The following FAM228B variants were observed in gnomAD, a reference collection of about 807,000 sequenced individuals.
FAM228B encodes the protein protein FAM228B.
In FAM228B, 38 loss-of-function variants were observed where a neutral mutation model predicts 42.6. That is an observed-to-expected ratio of 0.89 (90% CI 0.69 to 1.17). The LOEUF is 1.17. Among genes scored for constraint, FAM228B ranks in the 50% most tolerant of loss-of-function variants. The pLI is 0.00. For synonymous variants in FAM228B, 109 were observed against 122.3 expected (o/e 0.89, Z 0.72); for missense variants, 344 against 367.3 (o/e 0.94, Z 0.52).
chr2:24,138,210 A>G (rs1376992913), intron 4 of FAM228B, 110 bp downstream of exon 4: 2 of 758,040 alleles, frequency 2.6e-6, no homozygotes, highest in Non-Finnish European at 4.2e-6. Context: ...CATATGTATC[A>G]TCTATACCCT....
In FAM228B at chr2:24,169,530, T is replaced by A. The variant is rs77626653; in HGVS notation, c.*189T>A. On this transcript the variant is annotated 3_prime_UTR_variant, in exon 11 of 11. Coordinates refer to ENST00000615575, the MANE Select transcript of FAM228B (RefSeq NM_001145710.2). This position sits in a 1 kb window ranked among gnomAD's most constrained non-coding sequence, Gnocchi z 4.2. ...GCATCTGCAACGAACTTCCTTTAAT[T>A]TTTGAGTTCAGTGTCTGTGATAATT... 4.1e-3 allele frequency: 1,201 copies of A among 292,270 alleles called. 8 individuals are homozygous for A. Among genetic ancestry groups the A allele is most frequent in the African/African-American group, 0.025 (1,152 of 46,568 alleles). The allele number at this position is 292,270 out of a possible 1,614,324, so 18.1% of individuals were successfully genotyped here.
chr2:24,154,936 G>C (rs1214791958), intron 7 of FAM228B, among the ~76,000 whole-genome samples: 1 of 152,174 alleles, frequency 6.6e-6, no homozygotes, highest in Non-Finnish European at 1.5e-5. Context: ...AAATGGCATT[G>C]TGAATGTTAC....
intron 4 of FAM228B, among the ~76,000 whole-genome samples, chr2:24,138,963 A>G (rs942565016): frequency 2.7e-5 from 4 of 149,996 alleles, no homozygotes; most frequent in African/African-American, 4.9e-5. Context: ...AAAAAAAATT[A>G]TACTTACAAA....
chr2:24,077,411 G>C lies in FAM228B; in HGVS notation c.-290+442G>C. ...ACTCCCACCTCAACCCCGCCGCGGC[G>C]GCCCCAGTCCGCGTGCCACCCTTCC... is the stretch of plus-strand genomic sequence containing the variant. On this transcript the variant is annotated intron_variant, in intron 1 of 10. Transcript: ENST00000613899. This position sits in a 1 kb window ranked among gnomAD's most constrained non-coding sequence, Gnocchi z 5.5. The C allele has an allele frequency of 1.3e-6, 1 of 746,628 alleles. No individual in the cohort carries two copies. Among genetic ancestry groups the C allele is most frequent in the South Asian group, 3.1e-5 (1 of 31,844 alleles). The allele number at this position is 746,628 out of a possible 1,614,324, so 46.3% of individuals were successfully genotyped here.
Position 24,077,829 on chromosome 2 carries a change from A to G in FAM228B, c.-290+860A>G. The stretch of plus-strand genomic sequence containing the variant: ...TCACCCTGCCCTCCTCATCCTCCTC[A>G]GCCTTCTTGCTCTCTCTGAAGCCAC... On this transcript the variant is annotated intron_variant, in intron 1 of 10. Coordinates refer to the FAM228B transcript ENST00000613899. This position sits in a 1 kb window ranked among gnomAD's most constrained non-coding sequence, Gnocchi z 5.5. The G allele has an allele frequency of 1.3e-6, 2 of 1,535,610 alleles. No homozygotes were observed. Among genetic ancestry groups the G allele is most frequent in the Admixed American group, 1.9e-5 (1 of 51,614 alleles).
chr2:24,146,702 T>C (rs750657923), intron 5 of FAM228B, 46 bp from the exon 6 acceptor site: 26 of 1,325,058 alleles, frequency 2.0e-5, no homozygotes, highest in Non-Finnish European at 2.6e-5. Context: ...AAATGTTTAC[T>C]ACTCAGACTT....
intron 5 of FAM228B, among the ~76,000 whole-genome samples, chr2:24,145,103 A>G (rs1457937787): frequency 6.6e-6 from 1 of 152,124 alleles, no homozygotes; most frequent in Non-Finnish European, 1.5e-5. Context: ...GGGGTTCAAG[A>G]ACCTGCCCAT....
Position 24,146,967 on chromosome 2 carries a change from G to A in FAM228B, c.567G>A (p.Glu189=), listed in dbSNP as rs755080062. The change falls in exon 7 of 11, where the codon GAG becomes GAA. Residue 189 remains glutamate, a synonymous_variant. Coordinates refer to ENST00000615575, the MANE Select transcript of FAM228B (RefSeq NM_001145710.2). ...IYSIKEFKEV[E]KVQLHSRFPQ... is the part of the protein sequence containing the mutation. ...CAATAAAGGAATTCAAAGAAGTTGA[G>A]AAGGTTCAGCTGCATTCCAGATTCC... is the stretch of plus-strand genomic sequence containing the variant. The A allele has an allele frequency of 6.6e-5, 102 of 1,551,244 alleles. No individual in the cohort carries two copies. The highest frequency in any genetic ancestry group is 8.7e-5 in the Non-Finnish European group (100 of 1,146,820).
chr2:24,139,671 A>G (rs1034266871), intron 5 of FAM228B, among the ~76,000 whole-genome samples: 3 of 152,226 alleles, frequency 2.0e-5, no homozygotes, highest in African/African-American at 4.8e-5. Context: ...GGTAATAGGT[A>G]ACGTTTAAAA....
chr2:24,135,097 A>G (rs1666549252), intron 2 of FAM228B, 22 bp from the exon 3 acceptor site: 1 of 1,416,028 alleles, frequency 7.1e-7, no homozygotes, highest in Non-Finnish European at 9.6e-7. Context: ...TTTCTTTTCA[A>G]AGTTTAATTC....
chr2:24,151,119 CT>C (rs764505142), intron 7 of FAM228B, among the ~76,000 whole-genome samples: 3 of 151,914 alleles, frequency 2.0e-5, no homozygotes, highest in Admixed American at 1.3e-4. Context: ...GTTTTTTATT[CT>C]TTTTTTCTTT....
Position 24,080,303 on chromosome 2 carries a change from C to T in FAM228B, c.-289-573C>T, listed in dbSNP as rs10204305. ...CTGGGAGGCGGAGGTTGCAGCGAGC[C>T]GAGATCAAGCCACTGCACGCCATCC... is the stretch of plus-strand genomic sequence containing the variant. On this transcript the variant is annotated intron_variant, in intron 1 of 10. Coordinates refer to the FAM228B transcript ENST00000613899. The surrounding 1 kb of genome is among the most constrained non-coding windows in gnomAD (Gnocchi z 4.7). Among the ~76,000 whole-genome samples, 18,034 of 151,064 alleles carry T rather than the reference C, an allele frequency of 0.12. 1,250 individuals are homozygous for T. The highest frequency in any genetic ancestry group is 0.18 in the South Asian group (858 of 4,782).
intron 2 of FAM228B, among the ~76,000 whole-genome samples, chr2:24,087,601 A>G (rs532782624): frequency 1.3e-5 from 2 of 151,926 alleles, no homozygotes; most frequent in South Asian, 2.1e-4. Context: ...ATTACACGCT[A>G]TAAGAATTCT....
intron 2 of FAM228B, chr2:24,083,243 T>A: frequency 1.4e-6 from 2 of 1,472,754 alleles, no homozygotes; most frequent in South Asian, 2.8e-5. Context: ...CCCTCTTTTT[T>A]TTTTCAAAAA....
chr2:24,149,518 C>A (rs528484163), intron 7 of FAM228B, among the ~76,000 whole-genome samples: 1 of 152,072 alleles, frequency 6.6e-6, no homozygotes, highest in Admixed American at 6.6e-5. Context: ...CAGTGGCCCC[C>A]ACCTCCCAGG....
chr2:24,167,641 G>A lies in FAM228B; in HGVS notation c.947G>A (p.Arg316His), dbSNP rs549465815. The change falls in exon 10 of 11, where the codon CGT becomes CAT. Residue 316 changes from arginine (R) to histidine (H), a missense_variant. Arg to His is a conservative substitution (Grantham distance 29). Transcript: ENST00000615575. ...EEDQDGSPSPRLGLLKLEL is the reference protein window; with the variant it reads ...EEDQDGSPSPHLGLLKLEL ...CTTCATTTAAGGTCTCCCTCCCCGC[G>A]TTTGGGGCTGCTGAAGCTGGAGCTA... The A allele has an allele frequency of 1.5e-5, 24 of 1,551,638 alleles. No homozygotes were observed. Among genetic ancestry groups the A allele is most frequent in the East Asian group, 2.4e-5 (1 of 40,902 alleles).
intron 2 of FAM228B, among the ~76,000 whole-genome samples, chr2:24,094,433 G>T (rs1440483496): frequency 1.3e-5 from 2 of 152,086 alleles, no homozygotes; most frequent in Admixed American, 1.3e-4. Context: ...TAGTTTAAAA[G>T]ATAAGGATTT....
At chr2:24,148,502 CCTGT>C (rs376155446) in intron 7 of FAM228B, among the ~76,000 whole-genome samples, 2 of 152,064 alleles carry the variant, frequency 1.3e-5, no homozygotes, top group African/African-American at 4.8e-5. Flanking sequence ...ATGGCAGTGT[CCTGT>C]CTGTCTTCCA....
chr2:24,139,400 A>G lies in FAM228B; in HGVS notation c.391A>G (p.Lys131Glu). Residue 131 changes from lysine (K) to glutamate (E), a missense_variant, in exon 5 of 11, where the codon AAA becomes GAA. Coordinates refer to ENST00000615575, the MANE Select transcript of FAM228B (RefSeq NM_001145710.2). ...TGCATTTATAGAACATTATGATCCA[A>G]AAGAGTATGATCCCTTTTATATGAG... The part of the protein sequence containing the change: ...GNAFIEHYDP[K>E]EYDPFYMSKK... The G allele has an allele frequency of 1.3e-6, 2 of 1,548,108 alleles. No homozygotes were observed. Among genetic ancestry groups the G allele is most frequent in the Non-Finnish European group, 1.7e-6 (2 of 1,144,142 alleles).
Sources: allele counts gnomAD v4.1 joint callset (sites outside exome capture counted in the v4.1 genomes callset), GRCh38; gene constraint gnomAD v4.1.1; non-coding constraint Gnocchi (gnomAD v3.1); transcripts MANE v1.5; gene names NCBI Gene and HGNC (gene_info 2026-07-23, HGNC 2026-07-21).